The following LRRTM4 variants were observed in gnomAD, a reference collection of about 807,000 sequenced individuals.
LRRTM4 encodes leucine-rich repeat transmembrane neuronal protein 4.
Under a neutral mutation model 47.6 loss-of-function variants are expected in LRRTM4, and 25 were observed. The observed-to-expected ratio is 0.53, with a 90% CI of 0.38 to 0.73. The LOEUF (loss-of-function observed/expected upper bound fraction) is 0.73, where lower values mean the gene tolerates loss of function less well. LRRTM4 is among the 30% of genes least tolerant of loss of function. LRRTM4 has a pLI of 0.00. For synonymous variants in LRRTM4, 311 were observed against 269.5 expected (o/e 1.15, Z -1.51); for missense variants, 638 against 713.4 (o/e 0.89, Z 1.20).
intron 3 of LRRTM4, among the ~76,000 whole-genome samples, chr2:77,371,095 T>G (rs1388342966): frequency 2.6e-5 from 4 of 151,780 alleles, no homozygotes; most frequent in African/African-American, 9.7e-5. Flanking sequence ...ATGTTATTCA[T>G]CCATTATTTC....
chr2:77,145,310 C>A (rs766952656), intron 3 of LRRTM4, among the ~76,000 whole-genome samples: 66 of 150,342 alleles, frequency 4.4e-4, no homozygotes, highest in Admixed American at 8.6e-4. Flanking sequence ...AAAATAAATA[C>A]AAAAGTTGAA....
chr2:77,151,847 T>G (rs1421830738), intron 3 of LRRTM4, among the ~76,000 whole-genome samples: 1 of 152,204 alleles, frequency 6.6e-6, no homozygotes, highest in East Asian at 1.9e-4. Context: ...AAAAAAATAT[T>G]TCTCACTACT....
intron 3 of LRRTM4, among the ~76,000 whole-genome samples, chr2:77,005,925 T>C (rs1489058430): frequency 2.0e-5 from 3 of 152,206 alleles, no homozygotes; most frequent in Non-Finnish European, 4.4e-5. Flanking sequence ...GATACTATTA[T>C]TGTCCTTATT....
chr2:77,267,957 T>C (rs566031472), intron 3 of LRRTM4, among the ~76,000 whole-genome samples: 12 of 152,248 alleles, frequency 7.9e-5, no homozygotes, highest in Non-Finnish European at 1.5e-5. Flanking sequence ...TTTTTTTCCT[T>C]TATACATCTC....
chr2:76,871,680 G>A (rs570400595), intron 3 of LRRTM4, among the ~76,000 whole-genome samples: 25 of 152,300 alleles, frequency 1.6e-4, no homozygotes, highest in African/African-American at 5.5e-4. Flanking sequence ...AATACAGAAT[G>A]ATGGGATGTA....
intron 3 of LRRTM4, among the ~76,000 whole-genome samples, chr2:77,106,177 G>A (rs917628572): frequency 3.9e-5 from 6 of 152,070 alleles, no homozygotes; most frequent in African/African-American, 1.4e-4. Context: ...AATTTTGCAA[G>A]TTTTCTTATC....
At chr2:77,058,879 TAAGAC>T (rs1459611886) in intron 3 of LRRTM4, among the ~76,000 whole-genome samples, 1 of 152,186 alleles carries the variant, frequency 6.6e-6, no homozygotes, top group Non-Finnish European at 1.5e-5. Flanking sequence ...CTTTGAATCT[TAAGAC>T]AGTAAGTCTT....
intron 3 of LRRTM4, among the ~76,000 whole-genome samples, chr2:76,845,308 T>A (rs2103949062): frequency 6.6e-6 from 1 of 152,210 alleles, no homozygotes; most frequent in Admixed American, 6.5e-5. Context: ...CTGGCCAACA[T>A]GGTGAAACCC....
intron 3 of LRRTM4, among the ~76,000 whole-genome samples, chr2:76,984,364 C>A (rs1186137774): frequency 1.3e-5 from 2 of 151,762 alleles, no homozygotes; most frequent in African/African-American, 4.8e-5. Flanking sequence ...AATTGTAGCA[C>A]CTGGTCATTA....
intron 3 of LRRTM4, among the ~76,000 whole-genome samples, chr2:76,916,384 C>CAAAAAAAAAAAAAAAAAAAAAAAAAAAAA (rs57874749): frequency 5.6e-5 from 3 of 53,498 alleles, no homozygotes; most frequent in African/African-American, 1.6e-4. Flanking sequence ...GACTGTGTCT[C>CAAAAAAAAAAAAAAAAAAAAAAAAAAAAA]AAAAAAAAAA....
chr2:76,902,150 AT>A, intron 3 of LRRTM4, among the ~76,000 whole-genome samples: 1 of 152,240 alleles, frequency 6.6e-6, no homozygotes, highest in South Asian at 2.1e-4. Flanking sequence ...CCACTTAACT[AT>A]ATCTATTTAA....
At chr2:77,052,529 G>A (rs890477960) in intron 3 of LRRTM4, among the ~76,000 whole-genome samples, 2 of 151,850 alleles carry the variant, frequency 1.3e-5, no homozygotes, top group African/African-American at 4.8e-5. Context: ...TAAGGGCCAT[G>A]TTACTCATCT....
intron 3 of LRRTM4, among the ~76,000 whole-genome samples, chr2:77,149,142 C>T (rs933127902): frequency 5.3e-5 from 8 of 152,032 alleles, no homozygotes; most frequent in Non-Finnish European, 7.4e-5. Context: ...TGATCTGTAG[C>T]TGAATTGAGA....
intron 3 of LRRTM4, among the ~76,000 whole-genome samples, chr2:77,394,590 T>C (rs1475205280): frequency 6.6e-6 from 1 of 151,912 alleles, no homozygotes; most frequent in East Asian, 2.0e-4. Flanking sequence ...GAAACAGGGA[T>C]TTATACCGAA....
At chr2:76,749,851 T>C (rs1028442228) in intron 3 of LRRTM4, among the ~76,000 whole-genome samples, 1 of 152,202 alleles carries the variant, frequency 6.6e-6, no homozygotes, top group Non-Finnish European at 1.5e-5. Flanking sequence ...TACTTGCGAG[T>C]TACAATTTGA....
At chr2:77,254,847 G>GC (rs1675717375) in intron 3 of LRRTM4, among the ~76,000 whole-genome samples, 1 of 150,378 alleles carries the variant, frequency 6.6e-6, no homozygotes, top group African/African-American at 2.4e-5. Context: ...CAAGTAACCT[G>GC]CAGGAATAGA....
chr2:77,430,209 T>C (rs1264385061), intron 3 of LRRTM4, among the ~76,000 whole-genome samples: 9 of 152,228 alleles, frequency 5.9e-5, no homozygotes, highest in African/African-American at 1.9e-4. Flanking sequence ...TAGCTAGCTT[T>C]AGTTATTCCA....
intron 3 of LRRTM4, among the ~76,000 whole-genome samples, chr2:77,171,075 G>A (rs1171276911): frequency 1.3e-5 from 2 of 151,668 alleles, no homozygotes; most frequent in African/African-American, 4.8e-5. Context: ...ACATATATAT[G>A]TAAACCTTAC....
At chr2:77,023,049 T>C (rs1678330190) in intron 3 of LRRTM4, among the ~76,000 whole-genome samples, 1 of 152,188 alleles carries the variant, frequency 6.6e-6, no homozygotes, top group Non-Finnish European at 1.5e-5. Flanking sequence ...TTTCCATACA[T>C]CTTCTGAAAT....
Sources: allele counts gnomAD v4.1 joint callset (sites outside exome capture counted in the v4.1 genomes callset), GRCh38; gene constraint gnomAD v4.1.1; transcripts MANE v1.5; gene names NCBI Gene and HGNC (gene_info 2026-07-23, HGNC 2026-07-21).